Variants in HHLA2 observed in about 807,000 individuals in gnomAD.
HHLA2 encodes the protein HHLA2 member of B7 family, also known as HERV-H LTR-associating protein 2.
A neutral mutation model predicts 45.9 loss-of-function variants in HHLA2; 48 were observed. The observed-to-expected ratio is 1.05, with a 90% confidence interval of 0.83 to 1.33. HHLA2 has a LOEUF of 1.33. Among genes scored for constraint, HHLA2 ranks in the 40% most tolerant of loss-of-function variants. The pLI is 0.00. For synonymous variants in HHLA2, 161 were observed against 173.9 expected (o/e 0.93, Z 0.59); for missense variants, 462 against 494.3 (o/e 0.93, Z 0.62).
intron 2 of HHLA2, among the ~76,000 whole-genome samples, chr3:108,312,200 C>G (rs2081031788): frequency 6.6e-6 from 1 of 152,238 alleles, no homozygotes; most frequent in African/African-American, 2.4e-5. Flanking sequence ...TTCTGTTATC[C>G]CTCCAGCCTT....
At chr3:108,332,357 T>C (rs141176979) in intron 3 of HHLA2, among the ~76,000 whole-genome samples, 99 of 152,332 alleles carry the variant, frequency 6.5e-4, no homozygotes, top group Admixed American at 4.2e-3. Flanking sequence ...AAATTTCATA[T>C]GAAAATTTTC....
intron 2 of HHLA2, among the ~76,000 whole-genome samples, chr3:108,316,488 C>G (rs990305990): frequency 3.3e-5 from 5 of 152,122 alleles, no homozygotes; most frequent in African/African-American, 1.2e-4. Flanking sequence ...TTCCTTGACT[C>G]CCCAGTCTAA....
intron 3 of HHLA2, among the ~76,000 whole-genome samples, chr3:108,330,412 G>A (rs2081366565): frequency 1.3e-5 from 2 of 152,214 alleles, no homozygotes; most frequent in South Asian, 4.2e-4. Context: ...GAATATGATT[G>A]GATAGTCACT....
At chr3:108,311,716 G>A (rs988097669) in intron 2 of HHLA2, 1 of 152,210 alleles carries the variant, frequency 6.6e-6, no homozygotes. Flanking sequence ...TTTGATTGCA[G>A]TAACTAGGGC....
chr3:108,332,968 A>G (rs1313353854), intron 3 of HHLA2, among the ~76,000 whole-genome samples: 1 of 152,226 alleles, frequency 6.6e-6, no homozygotes, highest in Non-Finnish European at 1.5e-5. Flanking sequence ...TGTATATGAT[A>G]GACACCTATA....
chr3:108,358,899 T>A (rs2081943612), intron 7 of HHLA2, among the ~76,000 whole-genome samples: 1 of 152,170 alleles, frequency 6.6e-6, no homozygotes, highest in Admixed American at 6.5e-5. Flanking sequence ...AGGAATAACA[T>A]TTGAAGTTTT....
chr3:108,331,791 C>T (rs1276889096), intron 3 of HHLA2, among the ~76,000 whole-genome samples: 1 of 152,070 alleles, frequency 6.6e-6, no homozygotes, highest in African/African-American at 2.4e-5. Flanking sequence ...TACTCTTTAC[C>T]ATCTCTGAGC....
intron 2 of HHLA2, among the ~76,000 whole-genome samples, chr3:108,325,217 C>T (rs917565021): frequency 6.6e-6 from 1 of 151,976 alleles, no homozygotes; most frequent in African/African-American, 2.4e-5. Context: ...TAGAAATAAA[C>T]AGCATGGGTG....
intron 2 of HHLA2, among the ~76,000 whole-genome samples, chr3:108,321,357 A>G (rs1162425450): frequency 6.6e-6 from 1 of 152,176 alleles, no homozygotes; most frequent in Non-Finnish European, 1.5e-5. Context: ...AAAAGAGAGG[A>G]TGGGTAATAC....
At chr3:108,370,547 C>T (rs957943500) in intron 8 of HHLA2, among the ~76,000 whole-genome samples, 3 of 151,910 alleles carry the variant, frequency 2.0e-5, no homozygotes, top group Non-Finnish European at 4.4e-5. Context: ...GGAGGAAGTT[C>T]GAACCCATGG....
At chr3:108,303,562 T>C (rs2080882370) in intron 1 of HHLA2, among the ~76,000 whole-genome samples, 1 of 152,202 alleles carries the variant, frequency 6.6e-6, no homozygotes, top group African/African-American at 2.4e-5. Flanking sequence ...TAATTTCTAA[T>C]ATAAAACATA....
At chr3:108,376,647 T>G in intron 10 of HHLA2, 90 bp downstream of exon 9, 1 of 1,132,020 alleles carries the variant, frequency 8.8e-7, no homozygotes, top group South Asian at 1.4e-5. Context: ...TCACATATCA[T>G]CAAGCAAGAC....
intron 3 of HHLA2, among the ~76,000 whole-genome samples, chr3:108,331,931 T>C (rs2081393212): frequency 6.6e-6 from 1 of 152,092 alleles, no homozygotes; most frequent in African/African-American, 2.4e-5. Flanking sequence ...CACATAAAGT[T>C]GTATAAGTGC....
At chr3:108,359,541 A>G (rs1169320116) in intron 7 of HHLA2, among the ~76,000 whole-genome samples, 2 of 152,200 alleles carry the variant, frequency 1.3e-5, no homozygotes, top group Non-Finnish European at 2.9e-5. Flanking sequence ...CCTCGAATCT[A>G]GATCTGCTCA....
At chr3:108,339,260 A>G (rs1486471891) in intron 3 of HHLA2, among the ~76,000 whole-genome samples, 1 of 152,208 alleles carries the variant, frequency 6.6e-6, no homozygotes, top group African/African-American at 2.4e-5. Context: ...AGATTCACAA[A>G]AAGATTAAAT....
At chr3:108,340,825 CTT>C (rs528544512) in intron 3 of HHLA2, among the ~76,000 whole-genome samples, 1 of 148,352 alleles carries the variant, frequency 6.7e-6, no homozygotes, top group Non-Finnish European at 1.5e-5. Flanking sequence ...AGGATTTACT[CTT>C]TTTTTTTGTT....
intron 2 of HHLA2, among the ~76,000 whole-genome samples, chr3:108,314,640 G>A (rs1046498606): frequency 9.9e-5 from 15 of 152,074 alleles, no homozygotes; most frequent in South Asian, 2.1e-4. Flanking sequence ...AGGAGAGGGC[G>A]GTAGGCTGTG....
At chr3:108,321,782 C>T (rs2081207320) in intron 2 of HHLA2, among the ~76,000 whole-genome samples, 2 of 151,980 alleles carry the variant, frequency 1.3e-5, no homozygotes, top group African/African-American at 4.8e-5. Context: ...GAGTTGTCAC[C>T]TGATTTTAAA....
rs1277062876 is a variant in HHLA2, at chr3:108,296,601, TA to T, written c.-192+4del. The T allele has an allele frequency of 2.6e-5, 4 of 152,336 alleles. No homozygotes were observed. In the East Asian group the frequency reaches 7.7e-4, roughly 29 times the overall value. 9.4% of individuals were successfully genotyped at this position (152,336 alleles called of 1,614,324 possible). A position where few individuals can be genotyped will look rare whatever the true frequency, so the allele number is the denominator to read the frequency against. ...AGACGGTATGAATTTCTAAGTAAGG[TA>T]AGGATTTCTTTCTAAGTTGTTTATA... is the stretch of plus-strand genomic sequence containing the variant. On this transcript the variant is annotated splice_donor_region_variant and intron_variant, in intron 1 of 10. Coordinates refer to ENST00000619531, the Ensembl canonical transcript of HHLA2.
Sources: gnomAD v4.1 joint callset for allele counts (sites outside exome capture counted in the v4.1 genomes callset) on GRCh38, gnomAD v4.1.1 for gene constraint, MANE v1.5 for transcripts, NCBI Gene and HGNC (gene_info 2026-07-23, HGNC 2026-07-21) for gene names.